The following SPMIP2 variants were observed in gnomAD, a reference collection of about 807,000 sequenced individuals.
SPMIP2 encodes the protein sperm microtubule inner protein 2.
the SPMIP2 span, among the ~76,000 whole-genome samples, chr4:158,961,406 A>C: frequency 6.6e-6 from 1 of 152,120 alleles, no homozygotes; most frequent in Non-Finnish European, 1.5e-5. Flanking sequence ...TTCAATGTTC[A>C]CACATAAATT....
chr4:159,017,703 C>T, the SPMIP2 span, among the ~76,000 whole-genome samples: 6 of 152,090 alleles, frequency 3.9e-5, no homozygotes, highest in South Asian at 2.1e-4. Context: ...CCAAATAGGC[C>T]GCTTCACAAG....
chr4:159,068,687 A>AT, the SPMIP2 span, among the ~76,000 whole-genome samples: 4 of 151,342 alleles, frequency 2.6e-5, no homozygotes, highest in African/African-American at 7.3e-5. Flanking sequence ...AAATAAATAA[A>AT]AAATAAAAAA....
the SPMIP2 span, among the ~76,000 whole-genome samples, chr4:158,921,221 C>T: frequency 1.3e-5 from 2 of 152,072 alleles, no homozygotes; most frequent in Non-Finnish European, 2.9e-5. Flanking sequence ...GGCAGATCAC[C>T]AGAGGTCCGG....
the SPMIP2 span, among the ~76,000 whole-genome samples, chr4:159,048,731 C>CTTTTTTTTT: frequency 9.0e-6 from 1 of 111,470 alleles, no homozygotes. Context: ...TCCCCTTCCA[C>CTTTTTTTTT]TTTTTTTTTT....
the SPMIP2 span, among the ~76,000 whole-genome samples, chr4:159,021,907 C>T: frequency 2.8e-3 from 421 of 152,240 alleles, 2 homozygotes; most frequent in Non-Finnish European, 4.8e-3. Flanking sequence ...GTGGATCTTG[C>T]GTTCTAAGTG....
the SPMIP2 span, among the ~76,000 whole-genome samples, chr4:158,929,732 T>C: frequency 6.6e-6 from 1 of 152,254 alleles, no homozygotes; most frequent in East Asian, 1.9e-4. Flanking sequence ...AATTACATTT[T>C]TCTAAATTAT....
the SPMIP2 span, chr4:158,906,575 T>A: frequency 1.3e-5 from 2 of 152,176 alleles, no homozygotes; most frequent in African/African-American, 4.8e-5. Context: ...TAATTTGCTC[T>A]TAATTTAATG....
the SPMIP2 span, among the ~76,000 whole-genome samples, chr4:159,028,742 T>G: frequency 6.6e-6 from 1 of 152,240 alleles, no homozygotes; most frequent in South Asian, 2.1e-4. Flanking sequence ...AAAGTAGTTT[T>G]AAATTTTCTT....
chr4:158,962,280 G>A, the SPMIP2 span, among the ~76,000 whole-genome samples: 1 of 152,154 alleles, frequency 6.6e-6, no homozygotes, highest in Admixed American at 6.5e-5. Context: ...CATTTAGGAA[G>A]TCTTTTGGGG....
chr4:159,019,030 C>T, the SPMIP2 span, among the ~76,000 whole-genome samples: 1 of 152,102 alleles, frequency 6.6e-6, no homozygotes, highest in Admixed American at 6.5e-5. Context: ...GCGGAGCTTG[C>T]GGTGAGCCGA....
chr4:158,893,578 T>C, the SPMIP2 span: 1 of 799,404 alleles, frequency 1.3e-6, no homozygotes, highest in South Asian at 2.0e-5. Context: ...AAGCGTACTC[T>C]TGCAAGACAT....
At chr4:159,024,551 A>G in the SPMIP2 span, among the ~76,000 whole-genome samples, 1 of 151,974 alleles carries the variant, frequency 6.6e-6, no homozygotes, top group South Asian at 2.1e-4. Context: ...AAACGGACTC[A>G]AGGGAAACGG....
At chr4:159,034,456 A>G in the SPMIP2 span, among the ~76,000 whole-genome samples, 1 of 152,264 alleles carries the variant, frequency 6.6e-6, no homozygotes, top group Non-Finnish European at 1.5e-5. Flanking sequence ...ACAAACCATA[A>G]AAGCTATGCT....
the SPMIP2 span, among the ~76,000 whole-genome samples, chr4:158,903,066 G>T: frequency 2.0e-5 from 3 of 152,214 alleles, no homozygotes; most frequent in Admixed American, 6.5e-5. Flanking sequence ...CTCAGTGTCT[G>T]CCCAAATGGC....
At chr4:158,952,201 C>T in the SPMIP2 span, among the ~76,000 whole-genome samples, 1 of 152,080 alleles carries the variant, frequency 6.6e-6, no homozygotes, top group African/African-American at 2.4e-5. Flanking sequence ...TTGAAAAGAA[C>T]ATGACTTGAA....
At chr4:159,006,533 G>T in the SPMIP2 span, among the ~76,000 whole-genome samples, 1 of 152,246 alleles carries the variant, frequency 6.6e-6, no homozygotes, top group Non-Finnish European at 1.5e-5. Context: ...AGGATATGTT[G>T]TACATGCTGA....
At chr4:158,942,231 G>A in the SPMIP2 span, among the ~76,000 whole-genome samples, 1 of 152,186 alleles carries the variant, frequency 6.6e-6, no homozygotes, top group Non-Finnish European at 1.5e-5. Flanking sequence ...AATGTGTGAC[G>A]TTCCATTTCT....
the SPMIP2 span, among the ~76,000 whole-genome samples, chr4:159,014,492 G>A: frequency 6.7e-6 from 1 of 150,258 alleles, no homozygotes; most frequent in Non-Finnish European, 1.5e-5. Flanking sequence ...ACTGTAAGTG[G>A]ATGTATCCCT....
chr4:159,052,969 T>A, the SPMIP2 span, among the ~76,000 whole-genome samples: 4 of 144,388 alleles, frequency 2.8e-5, no homozygotes, highest in Non-Finnish European at 6.0e-5. Flanking sequence ...TTTTTTTTTT[T>A]TTTTTGAGAC....
Sources: allele counts gnomAD v4.1 joint callset (sites outside exome capture counted in the v4.1 genomes callset), GRCh38; gene constraint gnomAD v4.1.1; transcripts MANE v1.5; gene names NCBI Gene and HGNC (gene_info 2026-07-23, HGNC 2026-07-21).